MAST2: variants seen among roughly 807,000 people sequenced by gnomAD.
The protein encoded by MAST2 is microtubule associated serine/threonine kinase 2, also known as microtubule-associated serine/threonine-protein kinase 2.
In MAST2, 70 loss-of-function variants were observed where a neutral mutation model predicts 147.4. The ratio of observed to expected loss-of-function variants is 0.47; its 90% CI spans 0.39 to 0.58. The LOEUF is 0.58. Among genes scored for constraint, MAST2 ranks in the 20% least tolerant of loss-of-function variants. The probability of loss-of-function intolerance (pLI) is 0.00; values close to 1 mark genes in which losing one functional copy is unlikely to be tolerated. For synonymous variants in MAST2, 869 were observed against 896.8 expected, an observed-to-expected ratio of 0.97 and a Z score of 0.55; for missense variants, 2,080 against 2,302.3, an observed-to-expected ratio of 0.90 and a Z score of 1.98.
chr1:45,997,653 T>C (rs1645109532), intron 5 of MAST2, 71 bp from the exon 6 acceptor site: 3 of 1,095,596 alleles, frequency 2.7e-6, no homozygotes, highest in Non-Finnish European at 4.2e-6. Flanking sequence ...GGAATATTTC[T>C]TGCCCGAAAG....
chr1:46,021,340 T>G (rs1184998017), intron 11 of MAST2, among the ~76,000 whole-genome samples: 1 of 152,206 alleles, frequency 6.6e-6, no homozygotes, highest in Non-Finnish European at 1.5e-5. Context: ...TTTCTGTTCC[T>G]TCCTACTACT....
chr1:45,846,431 G>A (rs1645437614), intron 3 of MAST2, among the ~76,000 whole-genome samples: 1 of 152,014 alleles, frequency 6.6e-6, no homozygotes, highest in African/African-American at 2.4e-5. Flanking sequence ...GCTCCCCCCG[G>A]CCTGAAATTT....
chr1:45,914,598 A>G (rs999535066), intron 4 of MAST2, among the ~76,000 whole-genome samples: 7 of 152,314 alleles, frequency 4.6e-5, no homozygotes, highest in African/African-American at 1.4e-4. Context: ...AAGGGAGTGT[A>G]CTTCAGATTT....
intron 4 of MAST2, among the ~76,000 whole-genome samples, chr1:45,905,368 G>A (rs959658988): frequency 5.9e-5 from 9 of 151,656 alleles, no homozygotes; most frequent in Non-Finnish European, 1.0e-4. Context: ...TGTATTTTTA[G>A]TAGAGACTGG....
At chr1:45,816,913 G>A (rs1445212270) in intron 1 of MAST2, among the ~76,000 whole-genome samples, 6 of 152,094 alleles carry the variant, frequency 3.9e-5, no homozygotes, top group Non-Finnish European at 5.9e-5. Context: ...TCCTGACCTC[G>A]TGATCCACCT....
chr1:45,947,642 G>T (rs1470314727), intron 4 of MAST2, among the ~76,000 whole-genome samples: 1 of 152,176 alleles, frequency 6.6e-6, no homozygotes, highest in African/African-American at 2.4e-5. Flanking sequence ...CAAATAGAAA[G>T]AGAGGAAGTC....
At chr1:45,953,213 C>T (rs1281457762) in intron 4 of MAST2, among the ~76,000 whole-genome samples, 1 of 140,762 alleles carries the variant, frequency 7.1e-6, no homozygotes, top group African/African-American at 2.7e-5. Flanking sequence ...ATTTCTAAAC[C>T]AATAGAGCAG....
intron 5 of MAST2, among the ~76,000 whole-genome samples, chr1:45,987,762 G>GT (rs11462786): frequency 0.51 from 31,956 of 62,480 alleles, 6,862 homozygotes; most frequent in Non-Finnish European, 0.58. Context: ...AGCATTTCTT[G>GT]TTTTTTTTTT....
rs750525689 is a variant in MAST2, at chr1:46,031,004, T to C, written c.2709-3T>C. The stretch of plus-strand genomic sequence containing the variant: ...CACTCACCCCAGGCCTTGTGTCTCA[T>C]AGATTACGGAAGCGGCTGTCGGTGT... On this transcript the variant is annotated splice_region_variant and splice_polypyrimidine_tract_variant and intron_variant, in intron 22 of 28. Transcript: ENST00000361297. The surrounding 1 kb of genome is among the most constrained non-coding windows in gnomAD (Gnocchi z 4.1). 5.0e-6 allele frequency: 8 copies of C among 1,612,394 alleles called. No individual in the cohort carries two copies. Among genetic ancestry groups the C allele is most frequent in the South Asian group, 3.3e-5 (3 of 90,858 alleles).
intron 5 of MAST2, among the ~76,000 whole-genome samples, chr1:45,974,100 G>A (rs568025404): frequency 2.8e-4 from 43 of 152,266 alleles, no homozygotes; most frequent in Non-Finnish European, 4.4e-4. Flanking sequence ...AGCAAGAGAA[G>A]ATCTGATAAT....
At chr1:45,913,112 G>A (rs1651929494) in intron 4 of MAST2, among the ~76,000 whole-genome samples, 1 of 152,168 alleles carries the variant, frequency 6.6e-6, no homozygotes, top group South Asian at 2.1e-4. Context: ...TGATTAGAGA[G>A]TAATAGAAAT....
intron 4 of MAST2, among the ~76,000 whole-genome samples, chr1:45,920,356 C>CT (rs1454492422): frequency 6.6e-6 from 1 of 152,210 alleles, no homozygotes; most frequent in Non-Finnish European, 1.5e-5. Flanking sequence ...TCAACTCTGT[C>CT]TTCTCAACTC....
intron 4 of MAST2, among the ~76,000 whole-genome samples, chr1:45,885,588 G>T (rs1647046128): frequency 6.6e-6 from 1 of 152,122 alleles, no homozygotes; most frequent in South Asian, 2.1e-4. Flanking sequence ...AACAGCTTGG[G>T]TTTGCAAGTC....
intron 1 of MAST2, among the ~76,000 whole-genome samples, chr1:45,807,065 CAG>C (rs1458012265): frequency 6.6e-6 from 1 of 152,152 alleles, no homozygotes; most frequent in Non-Finnish European, 1.5e-5. Context: ...GAAATAGTTA[CAG>C]AGAGAAATAT....
At chr1:45,929,758 G>T (rs1237804984) in intron 4 of MAST2, among the ~76,000 whole-genome samples, 1 of 152,020 alleles carries the variant, frequency 6.6e-6, no homozygotes, top group Non-Finnish European at 1.5e-5. Flanking sequence ...TAATTTTCAT[G>T]GCTTTGTTTG....
In MAST2 at chr1:46,025,698, T is replaced by C; in HGVS notation, c.1802T>C (p.Leu601Pro). 6.2e-7 allele frequency: 1 copy of C among 1,614,186 alleles called. No individual in the cohort carries two copies. ...YVEGGDCATL[L>P]KNIGALPVDM... ...GCAGGGGGAGACTGTGCCACTCTGC[T>C]GAAGAATATTGGGGCCCTGCCTGTG... is the stretch of plus-strand genomic sequence containing the variant. The change falls in exon 16 of 29, where the codon CTG becomes CCG. Residue 601 changes from leucine (L) to proline (P), a missense_variant. Physicochemically the swap from Leu to Pro is moderately conservative, Grantham distance 98 (BLOSUM62 -3). This residue lies in a region of MAST2 where 209 missense variants were observed against 309.5 expected (regional missense o/e 0.68). Transcript: ENST00000361297.
chr1:45,928,143 T>C (rs1192009418), intron 4 of MAST2, among the ~76,000 whole-genome samples: 1 of 152,232 alleles, frequency 6.6e-6, no homozygotes, highest in Non-Finnish European at 1.5e-5. Flanking sequence ...ATCGTCTACA[T>C]TGTCAGCTCA....
At position 46,031,242 on chromosome 1, in the gene MAST2, C is replaced by A. The variant is rs1646652095; in HGVS notation, c.2944C>A (p.Pro982Thr). The A allele has an allele frequency of 6.5e-7, 1 of 1,538,396 alleles. No homozygotes were observed. The highest frequency in any genetic ancestry group is 8.8e-7 in the Non-Finnish European group (1 of 1,140,010). Residue 982 changes from proline to threonine, a missense_variant, in exon 23 of 29, where the codon CCA becomes ACA. Coordinates refer to ENST00000361297, the MANE Select transcript of MAST2 (RefSeq NM_015112.3). The surrounding 1 kb of genome is among the most constrained non-coding windows in gnomAD (Gnocchi z 4.1). The part of the protein sequence containing the change: ...PVTEHSGEQR[P>T]KLDEEAVGRS... ...CACTGAACACTCAGGGGAGCAGCGG[C>A]CAAAGCTGGATGAGGAAGCTGTTGG...
intron 4 of MAST2, among the ~76,000 whole-genome samples, chr1:45,904,613 A>T (rs540855064): frequency 6.6e-6 from 1 of 151,906 alleles, no homozygotes; most frequent in Admixed American, 6.6e-5. Flanking sequence ...CTATAGACAC[A>T]TGCCACCATA....
Sources: allele counts gnomAD v4.1 joint callset (sites outside exome capture counted in the v4.1 genomes callset), GRCh38; gene constraint gnomAD v4.1.1; regional missense constraint gnomAD v4.1.1; non-coding constraint Gnocchi (gnomAD v3.1); transcripts MANE v1.5; gene names NCBI Gene and HGNC (gene_info 2026-07-23, HGNC 2026-07-21).